GRID2: variants seen among roughly 807,000 people sequenced by gnomAD.
The protein encoded by GRID2 is glutamate ionotropic receptor delta type subunit 2.
Under a neutral mutation model 114.8 loss-of-function variants are expected in GRID2, and 33 were observed. The ratio of observed to expected loss-of-function variants is 0.29; its 90% CI spans 0.22 to 0.38. The LOEUF (loss-of-function observed/expected upper bound fraction) is 0.38, where lower values mean the gene tolerates loss of function less well. Ranked by LOEUF, GRID2 falls within the 10% of genes least tolerant of loss-of-function variation. GRID2 has a pLI of 1.00. For synonymous variants in GRID2, 505 were observed against 449.9 expected, an observed-to-expected ratio of 1.12 and a Z score of -1.55; for missense variants, 1,184 against 1,257.7, an observed-to-expected ratio of 0.94 and a Z score of 0.89.
intron 2 of GRID2, among the ~76,000 whole-genome samples, chr4:92,886,136 C>A (rs756192194): frequency 1.3e-4 from 19 of 151,986 alleles, no homozygotes; most frequent in Non-Finnish European, 2.4e-4. Context: ...CTCAAGAGGC[C>A]TATTTCCTGA....
intron 8 of GRID2, among the ~76,000 whole-genome samples, chr4:93,355,421 T>C (rs1761238364): frequency 6.6e-6 from 1 of 152,040 alleles, no homozygotes. Flanking sequence ...TGGACAGCCT[T>C]CATGGAGTCT....
intron 1 of GRID2, among the ~76,000 whole-genome samples, chr4:92,334,248 C>T (rs557476333): frequency 6.6e-6 from 1 of 152,286 alleles, no homozygotes; most frequent in East Asian, 1.9e-4. Context: ...CTTAAGTAAT[C>T]CCTAAGAAGA....
chr4:93,664,128 C>T (rs1723746819), intron 14 of GRID2, among the ~76,000 whole-genome samples: 1 of 152,144 alleles, frequency 6.6e-6, no homozygotes, highest in South Asian at 2.1e-4. Context: ...GAGCATTTCA[C>T]ACAAAGGGAA....
chr4:92,323,534 T>A (rs898329034), intron 1 of GRID2, among the ~76,000 whole-genome samples: 1 of 152,044 alleles, frequency 6.6e-6, no homozygotes, highest in African/African-American at 2.4e-5. Flanking sequence ...ATTGGTCTCT[T>A]CCCCTCATTC....
At chr4:92,920,103 G>A (rs1197156175) in intron 2 of GRID2, among the ~76,000 whole-genome samples, 2 of 152,080 alleles carry the variant, frequency 1.3e-5, no homozygotes, top group African/African-American at 4.8e-5. Context: ...ATTATATAAT[G>A]GCCTTCTTTG....
intron 14 of GRID2, among the ~76,000 whole-genome samples, chr4:93,654,010 T>C (rs1722800341): frequency 6.6e-6 from 1 of 152,190 alleles, no homozygotes; most frequent in Non-Finnish European, 1.5e-5. Context: ...ACAATAAAGA[T>C]AGATTTCAGC....
intron 2 of GRID2, among the ~76,000 whole-genome samples, chr4:93,048,028 A>G (rs563941837): frequency 6.6e-6 from 1 of 152,080 alleles, no homozygotes; most frequent in East Asian, 1.9e-4. Context: ...TTAAAATCAC[A>G]AAGTATATTG....
intron 2 of GRID2, among the ~76,000 whole-genome samples, chr4:92,917,676 T>A (rs1748925995): frequency 6.6e-6 from 1 of 152,204 alleles, no homozygotes; most frequent in Non-Finnish European, 1.5e-5. Context: ...GTGGCATTAT[T>A]TCTGAGGACT....
At chr4:92,633,084 A>G (rs1282502433) in intron 2 of GRID2, among the ~76,000 whole-genome samples, 3 of 152,150 alleles carry the variant, frequency 2.0e-5, no homozygotes, top group Non-Finnish European at 4.4e-5. Context: ...CCCAAGTCCC[A>G]CAGACGTGAA....
At chr4:93,432,488 G>T (rs2149381631) in intron 10 of GRID2, among the ~76,000 whole-genome samples, 1 of 152,282 alleles carries the variant, frequency 6.6e-6, no homozygotes, top group East Asian at 1.9e-4. Context: ...AGGTTAGAAA[G>T]ACATAACCAG....
chr4:93,478,595 TACATA>T (rs992329259), intron 11 of GRID2, among the ~76,000 whole-genome samples: 49 of 151,410 alleles, frequency 3.2e-4, no homozygotes, highest in African/African-American at 1.2e-3. Flanking sequence ...TATAATTAAC[TACATA>T]ACATAAAATT....
intron 14 of GRID2, among the ~76,000 whole-genome samples, chr4:93,678,909 T>A (rs1351530424): frequency 6.7e-6 from 1 of 148,532 alleles, no homozygotes; most frequent in African/African-American, 2.5e-5. Flanking sequence ...AATGACAGGA[T>A]CAAATTCACA....
At chr4:92,496,402 A>T (rs944276862) in intron 1 of GRID2, among the ~76,000 whole-genome samples, 1 of 151,904 alleles carries the variant, frequency 6.6e-6, no homozygotes, top group African/African-American at 2.4e-5. Flanking sequence ...TGTATAAATG[A>T]GCAGTAAAGA....
At chr4:92,553,420 T>C (rs1726694580) in intron 1 of GRID2, among the ~76,000 whole-genome samples, 1 of 152,136 alleles carries the variant, frequency 6.6e-6, no homozygotes. Context: ...TTTGGGTAAG[T>C]CTCTACCTTG....
chr4:92,485,163 A>T (rs1476278836), intron 1 of GRID2, among the ~76,000 whole-genome samples: 1 of 151,028 alleles, frequency 6.6e-6, no homozygotes, highest in Non-Finnish European at 1.5e-5. Flanking sequence ...AAGCATCCTA[A>T]TCCTGGAGGA....
chr4:92,399,888 G>A (rs1730704721), intron 1 of GRID2, among the ~76,000 whole-genome samples: 1 of 151,958 alleles, frequency 6.6e-6, no homozygotes, highest in Admixed American at 6.6e-5. Context: ...TATTGCATGT[G>A]TGTATAATTA....
At chr4:93,797,018 C>T (rs1487315139) in intron 1 of GRID2, among the ~76,000 whole-genome samples, 1 of 152,158 alleles carries the variant, frequency 6.6e-6, no homozygotes, top group Non-Finnish European at 1.5e-5. Context: ...TACTACACAC[C>T]TACGATGTGA....
rs767011940 is a variant in GRID2 at position 93,110,950 on chromosome 4, T to C, written c.732T>C (p.Thr244=). The C allele has an allele frequency of 1.9e-6, 3 of 1,594,950 alleles. No homozygotes were observed. The highest frequency in any genetic ancestry group is 1.1e-5 in the South Asian group (1 of 90,702). ...MNPATAKSFI[T]EVVETNLVAF... ...CTGCTACAGCCAAATCCTTCATTAC[T>C]GAGGTAAGTGAAAATTGTCTTGGGG... The change falls in exon 4 of 16, where the codon ACT becomes ACC. Residue 244 remains threonine, a synonymous_variant. Transcript: ENST00000282020.
intron 1 of GRID2, among the ~76,000 whole-genome samples, chr4:92,551,552 A>G (rs1726590456): frequency 6.6e-6 from 1 of 152,144 alleles, no homozygotes; most frequent in African/African-American, 2.4e-5. Context: ...GGAGGATTAC[A>G]TTTGTTTTAG....
Sources: allele counts gnomAD v4.1 joint callset (sites outside exome capture counted in the v4.1 genomes callset), GRCh38; gene constraint gnomAD v4.1.1; transcripts MANE v1.5; gene names NCBI Gene and HGNC (gene_info 2026-07-23, HGNC 2026-07-21).